FKTN: variants seen among roughly 807,000 people sequenced by gnomAD.
FKTN encodes the protein ribitol-5-phosphate transferase FKTN.
A neutral mutation model predicts 58.6 loss-of-function variants in FKTN; 47 were observed. The ratio of observed to expected loss-of-function variants is 0.80; its 90% CI spans 0.63 to 1.02. FKTN has a LOEUF of 1.02. Ranked by LOEUF, FKTN falls within the 50% of genes least tolerant of loss-of-function variation. The pLI is 0.00. For missense variants in FKTN, 516 were observed against 537.3 expected (o/e 0.96, Z 0.39); for synonymous variants, 178 against 191.9 (o/e 0.93, Z 0.60).
chr9:105,625,878 C>A (rs1832678926), intron 10 of FKTN, among the ~76,000 whole-genome samples: 1 of 151,606 alleles, frequency 6.6e-6, no homozygotes. Context: ...AAACCCATAT[C>A]ATTTTCCCTC....
rs1054900570 is a variant in FKTN, at chr9:105,637,434, C to T, written c.*2170C>T. ...TGTCTTCTGGTTTCACAGGCTTCAG[C>T]TCATGGGTTCCACCCTAACTTGGGG... On this transcript the variant is annotated 3_prime_UTR_variant, in exon 11 of 11. Coordinates refer to ENST00000357998, the MANE Select transcript of FKTN (RefSeq NM_001079802.2). 2.0e-6 allele frequency: 2 copies of T among 985,440 alleles called. No homozygotes were observed. The highest frequency in any genetic ancestry group is 2.4e-6 in the Non-Finnish European group (2 of 829,946). 61.0% of individuals were successfully genotyped at this position (985,440 alleles called of 1,614,324 possible).
chr9:105,572,230 GTATA>G (rs35917146), intron 1 of FKTN, among the ~76,000 whole-genome samples: 4,682 of 146,182 alleles, frequency 0.032, 193 homozygotes, highest in African/African-American at 0.092. Context: ...TCTTGAGACT[GTATA>G]TATATATATA....
At position 105,637,322 on chromosome 9, in the gene FKTN, T is replaced by C. The variant is rs1006922510; in HGVS notation, c.*2058T>C. 10 of 985,064 alleles carry C rather than the reference T, an allele frequency of 1.0e-5. No homozygotes were observed. The highest frequency in any genetic ancestry group is 8.7e-5 in the African/African-American group (5 of 57,194). 61.0% of individuals were successfully genotyped at this position (985,064 alleles called of 1,614,324 possible). On this transcript the variant is annotated 3_prime_UTR_variant, in exon 11 of 11. Coordinates refer to ENST00000357998, the MANE Select transcript of FKTN (RefSeq NM_001079802.2). Reference sequence around the variant, plus strand: ...TTCCTGAAGTACAAAGTCTTAAGAGTGTCTGAAATCCAAGACATCTTGGCC... The same window carrying C: ...TTCCTGAAGTACAAAGTCTTAAGAGCGTCTGAAATCCAAGACATCTTGGCC...
chr9:105,589,513 G>A (rs1175816884), intron 3 of FKTN, among the ~76,000 whole-genome samples: 1 of 149,176 alleles, frequency 6.7e-6, no homozygotes, highest in Non-Finnish European at 1.5e-5. Context: ...AAAAAAAACT[G>A]GGGGGGGCGG....
intron 3 of FKTN, among the ~76,000 whole-genome samples, chr9:105,585,761 A>G (rs1843788893): frequency 6.6e-6 from 1 of 152,242 alleles, no homozygotes; most frequent in East Asian, 1.9e-4. Context: ...AGATAAATAA[A>G]TTCATGTAAA....
chr9:105,587,088 T>C (rs1373258386), intron 3 of FKTN, among the ~76,000 whole-genome samples: 1 of 152,176 alleles, frequency 6.6e-6, no homozygotes, highest in Non-Finnish European at 1.5e-5. Context: ...CAAATATTGA[T>C]GCCTATGTGG....
chr9:105,604,326 C>A lies in FKTN; in HGVS notation c.481C>A (p.His161Asn), dbSNP rs753338116. The A allele has an allele frequency of 6.2e-7, 1 of 1,614,120 alleles. No homozygotes were observed. The highest frequency in any genetic ancestry group is 1.1e-5 in the South Asian group (1 of 91,082). The change falls in exon 6 of 11, where the codon CAC becomes AAC. Residue 161 changes from histidine to asparagine, a missense_variant. His to Asn is a moderately conservative substitution (Grantham distance 68, BLOSUM62 1). Transcript: ENST00000357998. ...DSLSGTEIPL[H>N]YICKLATHAI... ...ACTCTCTGGAACTGAAATCCCCCTG[C>A]ACTATATCTGCAAACTGGCCACTCA...
chr9:105,586,605 C>CA (rs2132351835), intron 3 of FKTN, among the ~76,000 whole-genome samples: 1 of 152,296 alleles, frequency 6.6e-6, no homozygotes, highest in Non-Finnish European at 1.5e-5. Context: ...ATAGACATGG[C>CA]AGCATCAATA....
At chr9:105,572,524 C>G (rs1322729837) in intron 1 of FKTN, among the ~76,000 whole-genome samples, 4 of 152,258 alleles carry the variant, frequency 2.6e-5, no homozygotes, top group African/African-American at 9.6e-5. Context: ...AAAGAGATCT[C>G]AGATAGAGCT....
chr9:105,604,129 C>A lies in FKTN; in HGVS notation c.370-86C>A. ...TATGGCTCAAGTTCAATATAAGAAT[C>A]ACTTTAGTTTTGCTACTAGTATTTG... On this transcript the variant is annotated intron_variant, in intron 5 of 10. Transcript: ENST00000357998. The A allele has an allele frequency of 2.2e-6, 3 of 1,352,104 alleles. No individual in the cohort carries two copies. In the South Asian group the frequency reaches 3.5e-5, roughly 16 times the overall value. The allele number at this position is 1,352,104 out of a possible 1,614,324, so 83.8% of individuals were successfully genotyped here.
intron 4 of FKTN, among the ~76,000 whole-genome samples, chr9:105,599,040 GCAAATATTTGTAA>G (rs1297553118): frequency 1.3e-5 from 2 of 151,882 alleles, no homozygotes; most frequent in African/African-American, 4.8e-5. Flanking sequence ...CCACAGAGTA[GCAAATATTTGTAA>G]AACATGTATC....
chr9:105,570,515 G>A (rs1014171271), intron 1 of FKTN, among the ~76,000 whole-genome samples: 3 of 152,142 alleles, frequency 2.0e-5, no homozygotes, highest in African/African-American at 7.2e-5. Flanking sequence ...TGTGGGGGTG[G>A]TAAGGAATGG....
chr9:105,558,371 C>T (rs967250494), intron 1 of FKTN, among the ~76,000 whole-genome samples: 1 of 152,150 alleles, frequency 6.6e-6, no homozygotes, highest in African/African-American at 2.4e-5. Flanking sequence ...GGTAGACTTC[C>T]ACTTGGCCAG....
At chr9:105,624,623 CAA>C (rs779770311) in intron 10 of FKTN, among the ~76,000 whole-genome samples, 41 of 69,162 alleles carry the variant, frequency 5.9e-4, no homozygotes, top group Admixed American at 1.3e-3. Flanking sequence ...AGAGCAAAAC[CAA>C]AAAAAAAAAA....
intron 10 of FKTN, among the ~76,000 whole-genome samples, chr9:105,629,198 C>T (rs560822419): frequency 2.0e-5 from 3 of 151,206 alleles, no homozygotes; most frequent in African/African-American, 4.9e-5. Context: ...CCCATGTCTA[C>T]AAAAAAATAA....
chr9:105,595,505 A>G (rs1299253165), intron 3 of FKTN, among the ~76,000 whole-genome samples: 2 of 152,172 alleles, frequency 1.3e-5, no homozygotes, highest in South Asian at 2.1e-4. Flanking sequence ...TCAAGATTAC[A>G]GTTGTTTTTT....
Position 105,640,128 on chromosome 9 carries a change from A to G in FKTN, c.*4864A>G, listed in dbSNP as rs1372389005. The G allele has an allele frequency of 1.1e-5, 17 of 1,535,448 alleles. No individual in the cohort carries two copies. The highest frequency in any genetic ancestry group is 1.5e-5 in the Non-Finnish European group (17 of 1,146,814). Reference sequence around the variant, plus strand: ...AAGAATCAGCAGGGTGCATGATGCCATTTTAAGCTGCTTCACATCAGACTG... The same window carrying G: ...AAGAATCAGCAGGGTGCATGATGCCGTTTTAAGCTGCTTCACATCAGACTG... On this transcript the variant is annotated 3_prime_UTR_variant, in exon 11 of 11. Transcript: ENST00000357998.
At chr9:105,595,709 G>A (rs1418517426) in intron 3 of FKTN, among the ~76,000 whole-genome samples, 1 of 152,120 alleles carries the variant, frequency 6.6e-6, no homozygotes, top group Non-Finnish European at 1.5e-5. Context: ...GTTATACAAA[G>A]ATGGATTGGA....
Position 105,574,942 on chromosome 9 carries a change from C to G in FKTN, c.-88-3C>G. On this transcript the variant is annotated splice_region_variant and splice_polypyrimidine_tract_variant and intron_variant, in intron 2 of 10. Coordinates refer to ENST00000357998, the MANE Select transcript of FKTN (RefSeq NM_001079802.2). ...TCTTTAAAAATATCTTTTTTGTTCA[C>G]AGAAAACAAAATTATCTTCCTTTCC... is the stretch of plus-strand genomic sequence containing the variant. The G allele has an allele frequency of 1.3e-6, 1 of 794,940 alleles. No homozygotes were observed. The highest frequency in any genetic ancestry group is 2.3e-6 in the Non-Finnish European group (1 of 444,090). 49.2% of individuals were successfully genotyped at this position (794,940 alleles called of 1,614,324 possible).
Sources: allele counts gnomAD v4.1 joint callset (sites outside exome capture counted in the v4.1 genomes callset), GRCh38; gene constraint gnomAD v4.1.1; transcripts MANE v1.5; gene names NCBI Gene and HGNC (gene_info 2026-07-23, HGNC 2026-07-21).